Variants in NALF1 observed in about 807,000 individuals in gnomAD.
The protein encoded by NALF1 is family with sequence similarity 155 member A.
A neutral mutation model predicts 48.4 loss-of-function variants in NALF1; 3 were observed. That is an observed-to-expected ratio of 0.06 (90% CI 0.03 to 0.16). NALF1 has a LOEUF of 0.16. NALF1 is among the 10% of genes least tolerant of loss of function. The probability of loss-of-function intolerance (pLI) is 1.00; values close to 1 mark genes in which losing one functional copy is unlikely to be tolerated. For missense variants in NALF1, 526 were observed against 571.5 expected, an observed-to-expected ratio of 0.92 and a Z score of 0.81; for synonymous variants, 262 against 245.7, an observed-to-expected ratio of 1.07 and a Z score of -0.62.
chr13:107,737,150 G>A (rs1295555272), intron 1 of NALF1, among the ~76,000 whole-genome samples: 1 of 152,156 alleles, frequency 6.6e-6, no homozygotes, highest in Non-Finnish European at 1.5e-5. Flanking sequence ...AGCTGCATGA[G>A]TATAGGATAG....
chr13:107,345,265 T>C (rs565818461), intron 1 of NALF1, among the ~76,000 whole-genome samples: 113 of 152,310 alleles, frequency 7.4e-4, no homozygotes, highest in African/African-American at 2.6e-3. Context: ...GCAATTTCTA[T>C]CAAAATCTCA....
intron 1 of NALF1, among the ~76,000 whole-genome samples, chr13:107,585,261 C>G (rs1878422027): frequency 6.6e-6 from 1 of 151,680 alleles, no homozygotes; most frequent in African/African-American, 2.4e-5. Flanking sequence ...TGAGAAATTA[C>G]TAGATCACAC....
At chr13:107,839,006 A>G (rs1430426530) in intron 1 of NALF1, among the ~76,000 whole-genome samples, 1 of 152,104 alleles carries the variant, frequency 6.6e-6, no homozygotes, top group Non-Finnish European at 1.5e-5. Context: ...TGGTTGCAAA[A>G]TTCTGCCTGT....
chr13:107,526,704 C>T (rs1876456681), intron 1 of NALF1, among the ~76,000 whole-genome samples: 1 of 152,104 alleles, frequency 6.6e-6, no homozygotes, highest in South Asian at 2.1e-4. Context: ...ACTGAAACTA[C>T]AGGCAGGAAT....
intron 1 of NALF1, among the ~76,000 whole-genome samples, chr13:107,257,518 A>C (rs532581932): frequency 8.6e-6 from 1 of 116,450 alleles, no homozygotes; most frequent in African/African-American, 3.4e-5. Context: ...TTTGAATTTG[A>C]TATCATCTAG....
chr13:107,256,053 C>T (rs1880807254), intron 1 of NALF1, among the ~76,000 whole-genome samples: 1 of 152,174 alleles, frequency 6.6e-6, no homozygotes, highest in Non-Finnish European at 1.5e-5. Flanking sequence ...TCAGAGCCTA[C>T]TCATCCCGGC....
At chr13:107,753,494 CT>C (rs200846121) in intron 1 of NALF1, among the ~76,000 whole-genome samples, 4,989 of 136,902 alleles carry the variant, frequency 0.036, 106 homozygotes, top group African/African-American at 0.073. Flanking sequence ...CCAAGGCAGT[CT>C]TTTTTTTTTT....
At chr13:107,264,855 C>A (rs183486663) in intron 1 of NALF1, among the ~76,000 whole-genome samples, 1 of 152,146 alleles carries the variant, frequency 6.6e-6, no homozygotes, top group Non-Finnish European at 1.5e-5. Context: ...TAAATAGCTG[C>A]GTGCATGCTT....
intron 1 of NALF1, among the ~76,000 whole-genome samples, chr13:107,470,870 A>T (rs1273393647): frequency 1.3e-5 from 2 of 152,158 alleles, no homozygotes; most frequent in Non-Finnish European, 2.9e-5. Context: ...AATAACTACG[A>T]TCGTTAATAA....
chr13:107,618,456 C>T (rs1174903229), intron 1 of NALF1, among the ~76,000 whole-genome samples: 1 of 152,170 alleles, frequency 6.6e-6, no homozygotes, highest in Non-Finnish European at 1.5e-5. Flanking sequence ...CAATAGAAGA[C>T]TTATCCTAAT....
rs188082468 is a variant in NALF1 at position 107,295,733 on chromosome 13, G to T, written c.916-84978C>A. On this transcript the variant is annotated intron_variant, in intron 1 of 2. Transcript: ENST00000375915. ...AAAATGGAAGCATTGGATTACTTTG[G>T]TTTTTGAACTAAAGTAATGATATTT... Among the ~76,000 whole-genome samples, 6 of 152,194 alleles carry T rather than the reference G, an allele frequency of 3.9e-5. No individual in the cohort carries two copies. In the East Asian group the frequency reaches 1.2e-3, roughly 29 times the overall value.
At chr13:107,682,960 T>C (rs1881341884) in intron 1 of NALF1, among the ~76,000 whole-genome samples, 1 of 152,236 alleles carries the variant, frequency 6.6e-6, no homozygotes, top group Non-Finnish European at 1.5e-5. Flanking sequence ...AATTGTTCTT[T>C]ATTCAAATAT....
rs140958164 is a variant in NALF1, at chr13:107,371,119, A to C, written c.916-160364T>G. 4.0e-3 allele frequency among the ~76,000 whole-genome samples: 602 copies of C among 152,222 alleles called. 5 individuals are homozygous for C. The highest frequency in any genetic ancestry group is 0.013 in the African/African-American group (551 of 41,542). ...TCCTATTATCTGGGCCAGAATTTCA[A>C]CCGTGAACCTAGGAGAAAGTTCTGA... is the stretch of plus-strand genomic sequence containing the variant. On this transcript the variant is annotated intron_variant, in intron 1 of 2. Coordinates refer to ENST00000375915, the MANE Select transcript of NALF1 (RefSeq NM_001080396.3).
At chr13:107,542,819 T>C (rs1877033351) in intron 1 of NALF1, among the ~76,000 whole-genome samples, 1 of 152,142 alleles carries the variant, frequency 6.6e-6, no homozygotes, top group East Asian at 1.9e-4. Flanking sequence ...ATTAACATAT[T>C]GTAAGTTTAG....
chr13:107,259,794 AC>A (rs1412393906), intron 1 of NALF1, among the ~76,000 whole-genome samples: 1 of 152,206 alleles, frequency 6.6e-6, no homozygotes, highest in Non-Finnish European at 1.5e-5. Context: ...GTCCATGCAG[AC>A]AGTACAGCAG....
At chr13:107,614,791 T>C (rs1879335473) in intron 1 of NALF1, among the ~76,000 whole-genome samples, 1 of 151,872 alleles carries the variant, frequency 6.6e-6, no homozygotes, top group Non-Finnish European at 1.5e-5. Flanking sequence ...TCTTTTCTTT[T>C]TTTGAAGACA....
chr13:107,616,899 G>A (rs1379767619), intron 1 of NALF1, among the ~76,000 whole-genome samples: 1 of 152,164 alleles, frequency 6.6e-6, no homozygotes, highest in African/African-American at 2.4e-5. Context: ...GGATTGAAAT[G>A]CAGAAATAAC....
rs7338126 is a variant in NALF1 at position 107,800,335 on chromosome 13, G to A, written c.915+65347C>T. On this transcript the variant is annotated intron_variant, in intron 1 of 2. Coordinates refer to ENST00000375915, the MANE Select transcript of NALF1 (RefSeq NM_001080396.3). ...GAAAACCAACTTGAATGATTTTATC[G>A]TATTTTTATTGTTATTATTATCATA... is the stretch of plus-strand genomic sequence containing the variant. 6.6e-3 allele frequency among the ~76,000 whole-genome samples: 998 copies of A among 151,864 alleles called. 12 individuals are homozygous for A. The highest frequency in any genetic ancestry group is 0.023 in the African/African-American group (965 of 41,440).
intron 1 of NALF1, among the ~76,000 whole-genome samples, chr13:107,615,913 T>G (rs1419224709): frequency 6.6e-6 from 1 of 152,170 alleles, no homozygotes; most frequent in East Asian, 1.9e-4. Flanking sequence ...GTTAAAAGCC[T>G]TATGGTAAGT....
Sources: allele counts gnomAD v4.1 joint callset (sites outside exome capture counted in the v4.1 genomes callset), GRCh38; gene constraint gnomAD v4.1.1; transcripts MANE v1.5; gene names NCBI Gene and HGNC (gene_info 2026-07-23, HGNC 2026-07-21).